Variants in MTMR7 observed in about 807,000 individuals in gnomAD.
The protein encoded by MTMR7 is phosphatidylinositol-3-phosphate phosphatase MTMR7.
A neutral mutation model predicts 81.2 loss-of-function variants in MTMR7; 76 were observed. The ratio of observed to expected loss-of-function variants is 0.94; its 90% CI spans 0.78 to 1.13. The LOEUF is 1.13. MTMR7 is among the 50% of genes most tolerant of loss of function. The pLI, the probability that MTMR7 is intolerant of heterozygous loss-of-function variation, is 0.00. For synonymous variants in MTMR7, 372 were observed against 289.8 expected, an observed-to-expected ratio of 1.28 and a Z score of -2.88; for missense variants, 1,044 against 820.0, an observed-to-expected ratio of 1.27 and a Z score of -3.34.
At position 17,299,579 on chromosome 8, in the gene MTMR7, G is replaced by C. The variant is rs1816962489; in HGVS notation, c.*283C>G. The C allele has an allele frequency of 5.3e-6, 2 of 377,552 alleles. No homozygotes were observed. The highest frequency in any genetic ancestry group is 4.0e-5 in the African/African-American group (2 of 49,588). 23.4% of individuals were successfully genotyped at this position (377,552 alleles called of 1,614,324 possible). A position where few individuals can be genotyped will look rare whatever the true frequency, so the allele number is the denominator to read the frequency against. ...GGAAGATAGATACTGATCACTTCAG[G>C]TAATGACAGAAGTAATTGCTCTGCA... On this transcript the variant is annotated 3_prime_UTR_variant, in exon 14 of 14. Transcript: ENST00000180173.
At chr8:17,404,007 C>T (rs1821503537) in intron 1 of MTMR7, among the ~76,000 whole-genome samples, 2 of 152,104 alleles carry the variant, frequency 1.3e-5, no homozygotes, top group South Asian at 4.1e-4. Flanking sequence ...AAGATCATAT[C>T]ATCTGCAAAC....
chr8:17,348,838 A>G, intron 5 of MTMR7, 115 bp downstream of exon 5: 1 of 1,271,212 alleles, frequency 7.9e-7, no homozygotes, highest in East Asian at 2.3e-5. Context: ...ATATCCACAT[A>G]CCTTCTGAAG....
At position 17,297,568 on chromosome 8, in the gene MTMR7, T is replaced by TATC. The variant is rs1554502480; in HGVS notation, c.*2291_*2293dup. ...TCAAAATTCTTACCTATTTATTTCA[T>TATC]ATCAACTTTAAAAAATAAATTACTT... On this transcript the variant is annotated 3_prime_UTR_variant, in exon 14 of 14. Transcript: ENST00000180173. 6.6e-6 allele frequency: 1 copy of TATC among 152,122 alleles called. No homozygotes were observed. Among genetic ancestry groups the TATC allele is most frequent in the Non-Finnish European group, 1.5e-5 (1 of 67,956 alleles). The allele number at this position is 152,122 out of a possible 1,614,324, so 9.4% of individuals were successfully genotyped here. A position where few individuals can be genotyped will look rare whatever the true frequency, so the allele number is the denominator to read the frequency against.
chr8:17,409,883 G>A (rs2150589846), intron 1 of MTMR7, among the ~76,000 whole-genome samples: 1 of 152,306 alleles, frequency 6.6e-6, no homozygotes, highest in South Asian at 2.1e-4. Flanking sequence ...GAAAAGAACT[G>A]GTCCCACTGG....
In MTMR7 at chr8:17,369,845, C is replaced by T. The variant is rs1192403674; in HGVS notation, c.310+1192G>A. ...TATTTTTAGTAGAGACGGGGTTTCG[C>T]CGTCTTAGCCAGGATGGTCTCAGTC... On this transcript the variant is annotated intron_variant, in intron 3 of 13. Transcript: ENST00000180173. Among the ~76,000 whole-genome samples, 6 of 151,902 alleles carry T rather than the reference C, an allele frequency of 3.9e-5. No homozygotes were observed. The South Asian group carries it at 1.2e-3, about 32-fold the overall frequency.
intron 3 of MTMR7, among the ~76,000 whole-genome samples, chr8:17,367,370 G>C (rs771571704): frequency 6.6e-6 from 1 of 151,672 alleles, no homozygotes. Context: ...AGGGAAGAGA[G>C]GAGAGAGGAC....
chr8:17,322,264 A>C (rs1818428613), intron 7 of MTMR7, among the ~76,000 whole-genome samples: 1 of 152,210 alleles, frequency 6.6e-6, no homozygotes, highest in Non-Finnish European at 1.5e-5. Flanking sequence ...TTCAAAGAGG[A>C]CTTTATTATG....
At chr8:17,332,630 C>T (rs1819063697) in intron 6 of MTMR7, among the ~76,000 whole-genome samples, 1 of 152,200 alleles carries the variant, frequency 6.6e-6, no homozygotes. Context: ...TGCCCAGCAT[C>T]ACAAGAGAAG....
intron 1 of MTMR7, among the ~76,000 whole-genome samples, chr8:17,395,583 T>C (rs1479213518): frequency 2.0e-5 from 3 of 152,212 alleles, no homozygotes; most frequent in African/African-American, 7.2e-5. Context: ...CCAACACTTG[T>C]TGTTTTCTTT....
chr8:17,302,214 G>A lies in MTMR7; in HGVS notation c.1560C>T (p.Tyr520=), dbSNP rs1586130384. The A allele has an allele frequency of 6.2e-7, 1 of 1,614,034 alleles. No homozygotes were observed. Among genetic ancestry groups the A allele is most frequent in the East Asian group, 2.2e-5 (1 of 44,876 alleles). ...GMQPRQSVTD[Y]LMAVKEETQQ... The stretch of plus-strand genomic sequence containing the variant: ...GAGTTTCTTCCTTCACTGCCATTAG[G>A]TAATCTGTAACTGACTGTCGGGGCT... Residue 520 remains tyrosine, a synonymous_variant, in exon 13 of 14, where the codon TAC becomes TAT. Coordinates refer to ENST00000180173, the MANE Select transcript of MTMR7 (RefSeq NM_004686.5).
At chr8:17,396,241 A>T (rs576110270) in intron 1 of MTMR7, among the ~76,000 whole-genome samples, 1 of 152,234 alleles carries the variant, frequency 6.6e-6, no homozygotes, top group Admixed American at 6.5e-5. Context: ...TACACACAAA[A>T]AAGCACCATC....
intron 1 of MTMR7, among the ~76,000 whole-genome samples, chr8:17,407,501 G>A (rs985955862): frequency 1.3e-5 from 2 of 151,804 alleles, no homozygotes; most frequent in African/African-American, 4.8e-5. Flanking sequence ...TTCTAGGGAA[G>A]AAATCACATG....
At chr8:17,303,944 C>T (rs576776856) in intron 12 of MTMR7, among the ~76,000 whole-genome samples, 94 of 152,284 alleles carry the variant, frequency 6.2e-4, no homozygotes, top group African/African-American at 2.1e-3. Flanking sequence ...AAAAAGGCAA[C>T]CTATTACGTT....
At position 17,298,238 on chromosome 8, in the gene MTMR7, T is replaced by C. The variant is rs1259685639; in HGVS notation, c.*1624A>G. On this transcript the variant is annotated 3_prime_UTR_variant, in exon 14 of 14. Transcript: ENST00000180173. ...TTTATTTTAGCAAGGTATTCCCTAT[T>C]ACATATAGTATATTGCAGAAAATGA... is the stretch of plus-strand genomic sequence containing the variant. 4 of 152,066 alleles carry C rather than the reference T, an allele frequency of 2.6e-5. No individual in the cohort carries two copies. The highest frequency in any genetic ancestry group is 5.9e-5 in the Non-Finnish European group (4 of 67,938). The allele number at this position is 152,066 out of a possible 1,614,324, so 9.4% of individuals were successfully genotyped here. A position where few individuals can be genotyped will look rare whatever the true frequency, so the allele number is the denominator to read the frequency against.
chr8:17,311,562 C>T lies in MTMR7; in HGVS notation c.1050G>A (p.Ser350=), dbSNP rs763624555. 9 of 1,613,974 alleles carry T rather than the reference C, an allele frequency of 5.6e-6. No individual in the cohort carries two copies. The highest frequency in any genetic ancestry group is 1.3e-5 in the African/African-American group (1 of 74,898). Residue 350 remains serine, a synonymous_variant, in exon 9 of 14, where the codon TCG becomes TCA. Transcript: ENST00000180173. ...GAGGGTCCAGCAGCAGGCTTGCCAC[C>T]GAGCACACCTGAGCGGTCCTGTCCC... ...DGWDRTAQVC[S]VASLLLDPHY...
At chr8:17,350,664 C>T (rs1206143436) in intron 4 of MTMR7, among the ~76,000 whole-genome samples, 1 of 152,170 alleles carries the variant, frequency 6.6e-6, no homozygotes, top group African/African-American at 2.4e-5. Context: ...CTTTATCACT[C>T]TGGAAGATGG....
intron 1 of MTMR7, among the ~76,000 whole-genome samples, chr8:17,380,418 T>TA (rs1820723553): frequency 6.6e-6 from 1 of 152,106 alleles, no homozygotes; most frequent in African/African-American, 2.4e-5. Flanking sequence ...ACTTGAGACT[T>TA]GACAAACTTT....
At chr8:17,381,661 C>G (rs1271881086) in intron 1 of MTMR7, among the ~76,000 whole-genome samples, 1 of 152,140 alleles carries the variant, frequency 6.6e-6, no homozygotes, top group Admixed American at 6.6e-5. Context: ...CCATATAAAT[C>G]AGGCTCCAGA....
Position 17,331,993 on chromosome 8 carries a change from A to C in MTMR7, c.733-711T>G, listed in dbSNP as rs376050422. On this transcript the variant is annotated intron_variant, in intron 6 of 13. Transcript: ENST00000180173. ...GTCACAGTGGTATCTGAAGAAGTTTATTAAATCCAAACACTGTCCTAGCCT... is the reference window on the plus strand; with the variant it reads ...GTCACAGTGGTATCTGAAGAAGTTTCTTAAATCCAAACACTGTCCTAGCCT... Among the ~76,000 whole-genome samples, 61 of 152,356 alleles carry C rather than the reference A, an allele frequency of 4.0e-4. No homozygotes were observed. In the South Asian group the frequency reaches 0.012, roughly 30 times the overall value.
Sources: gnomAD v4.1 joint callset for allele counts (sites outside exome capture counted in the v4.1 genomes callset) on GRCh38, gnomAD v4.1.1 for gene constraint, MANE v1.5 for transcripts, NCBI Gene and HGNC (gene_info 2026-07-23, HGNC 2026-07-21) for gene names.